The following APOL4 variants were observed in gnomAD, a reference collection of about 807,000 sequenced individuals.
APOL4 encodes apolipoprotein L4, also known as apolipoprotein L, 4.
A neutral mutation model predicts 12.1 loss-of-function variants in APOL4; 14 were observed. The ratio of observed to expected loss-of-function variants is 1.16; its 90% CI spans 0.76 to 1.81. The LOEUF is 1.81. APOL4 is among the 40% of genes most tolerant of loss of function. The pLI is 0.00. For synonymous variants in APOL4, 171 were observed against 160.6 expected (o/e 1.06, Z -0.49); for missense variants, 432 against 423.1 (o/e 1.02, Z -0.18).
At chr22:36,201,993 C>T, upstream of APOL4, 1 of 1,614,124 alleles carries the variant, frequency 6.2e-7, no homozygotes, top group Admixed American at 1.7e-5. Flanking sequence ...CCAAGCTCAC[C>T]AGATGCAGAC....
At chr22:36,204,676 G>T, upstream of APOL4, 1 of 760,650 alleles carries the variant, frequency 1.3e-6, no homozygotes, top group Non-Finnish European at 1.9e-6. Context: ...GCTGGTCTGA[G>T]CTGTGTGGAT....
rs2014173713 is a variant in APOL4 at position 36,189,168 on chromosome 22, A to G, written c.*1907T>C. The stretch of plus-strand genomic sequence containing the variant: ...GTTTATTAGGACTTACACACAGGGC[A>G]CTCAGCAAGACAGCTCGAGAGATCC... On this transcript the variant is annotated 3_prime_UTR_variant, in exon 4 of 4. Transcript: ENST00000683024. 1 of 152,188 alleles carries G rather than the reference A, an allele frequency of 6.6e-6. No individual in the cohort carries two copies. The highest frequency in any genetic ancestry group is 6.5e-5 in the Admixed American group (1 of 15,276). The allele number at this position is 152,188 out of a possible 1,614,324, so 9.4% of individuals were successfully genotyped here. A position where few individuals can be genotyped will look rare whatever the true frequency, so the allele number is the denominator to read the frequency against.
intron 2 of APOL4, among the ~76,000 whole-genome samples, chr22:36,196,847 A>G (rs1400733594): frequency 2.0e-5 from 3 of 152,152 alleles, no homozygotes; most frequent in African/African-American, 4.8e-5. Context: ...CATATATTTA[A>G]AAAATGCCTG....
chr22:36,201,506 G>A (rs9610443), intron 1 of APOL4, 194 bp downstream of exon 1: 95,826 of 1,008,516 alleles, frequency 0.095, 4,842 homozygotes, highest in African/African-American at 0.16. Context: ...GTATGCAGAG[G>A]GGCGTCTGGG....
In APOL4 at chr22:36,190,968, T is replaced by C; in HGVS notation, c.*107A>G. On this transcript the variant is annotated 3_prime_UTR_variant, in exon 4 of 4. Coordinates refer to ENST00000683024, the MANE Select transcript of APOL4 (RefSeq NM_001386885.1). ...CATAGGAAATTATAAAAGTATTAAT[T>C]TGGGGAACTAATAAATGTCCATGAA... 1 of 974,532 alleles carries C rather than the reference T, an allele frequency of 1.0e-6. No individual in the cohort carries two copies. The highest frequency in any genetic ancestry group is 1.5e-6 in the Non-Finnish European group (1 of 672,626). The allele number at this position is 974,532 out of a possible 1,614,324, so 60.4% of individuals were successfully genotyped here. A position where few individuals can be genotyped will look rare whatever the true frequency, so the allele number is the denominator to read the frequency against.
intron 1 of APOL4, among the ~76,000 whole-genome samples, chr22:36,200,482 G>C (rs1603478577): frequency 1.3e-5 from 2 of 152,152 alleles, no homozygotes; most frequent in African/African-American, 4.8e-5. Context: ...GCCAGATGCC[G>C]GCCTAGCCCC....
intron 2 of APOL4, chr22:36,197,981 C>T (rs938605468): frequency 7.1e-6 from 9 of 1,262,474 alleles, no homozygotes; most frequent in South Asian, 2.0e-5. Context: ...AACAAAACTG[C>T]GTGGCCCCCC....
At chr22:36,194,636 C>T (rs2014352391) in intron 3 of APOL4, among the ~76,000 whole-genome samples, 1 of 152,178 alleles carries the variant, frequency 6.6e-6, no homozygotes, top group African/African-American at 2.4e-5. Flanking sequence ...CGGCAGGTCC[C>T]AGTCTCCAAG....
chr22:36,199,448 G>A (rs1178530755), intron 1 of APOL4, 72 bp from the exon 2 acceptor site: 1 of 1,612,842 alleles, frequency 6.2e-7, no homozygotes, highest in African/African-American at 1.3e-5. Context: ...TTGAACAGCT[G>A]GGCCTCTGCA....
chr22:36,204,590 T>G (rs1484739509), upstream of APOL4: 1 of 377,726 alleles, frequency 2.6e-6, no homozygotes, highest in Non-Finnish European at 4.7e-6. Context: ...ATTGCGAGAA[T>G]AAGGAGATGG....
At chr22:36,195,654 G>A (rs999656009) in intron 2 of APOL4, among the ~76,000 whole-genome samples, 1 of 151,906 alleles carries the variant, frequency 6.6e-6, no homozygotes, top group African/African-American at 2.4e-5. Flanking sequence ...GAGCCTTTAA[G>A]GAAGTCATTA....
intron 1 of APOL4, among the ~76,000 whole-genome samples, chr22:36,200,287 A>T (rs1232872043): frequency 8.6e-5 from 13 of 151,846 alleles, no homozygotes. Flanking sequence ...ACTGTGCTCT[A>T]CTCCCTTAAA....
At chr22:36,201,975 G>A (rs766684487), upstream of APOL4, 6 of 1,614,074 alleles carry the variant, frequency 3.7e-6, no homozygotes, top group East Asian at 1.3e-4. Flanking sequence ...CCACCTCAGG[G>A]CTCTGAGCCA....
At chr22:36,201,078 T>C (rs1239492452) in intron 1 of APOL4, among the ~76,000 whole-genome samples, 1 of 151,840 alleles carries the variant, frequency 6.6e-6, no homozygotes, top group African/African-American at 2.4e-5. Context: ...GATAGAATGT[T>C]AGGAAAAGGT....
chr22:36,199,922 C>T (rs549717974), intron 1 of APOL4, among the ~76,000 whole-genome samples: 1 of 152,216 alleles, frequency 6.6e-6, no homozygotes, highest in Non-Finnish European at 1.5e-5. Context: ...ATTCTCTTGC[C>T]TCAGCCTCTC....
At chr22:36,197,950 C>A (rs2014462348) in intron 2 of APOL4, 2 of 1,370,090 alleles carry the variant, frequency 1.5e-6, no homozygotes, top group Non-Finnish European at 1.9e-6. Flanking sequence ...CCCACCTGTG[C>A]CACAGAAGTT....
In APOL4 at chr22:36,199,324, G is replaced by C; in HGVS notation, c.82+6C>G. The C allele has an allele frequency of 6.2e-7, 1 of 1,614,110 alleles. No individual in the cohort carries two copies. The highest frequency in any genetic ancestry group is 8.5e-7 in the Non-Finnish European group (1 of 1,179,944). ...CTACCAGCAGCCAGGTCTCTGAAAG[G>C]CTTACCTTGGAACTGTCCAGCCACT... On this transcript the variant is annotated splice_donor_region_variant and intron_variant, in intron 2 of 3. Coordinates refer to ENST00000683024, the MANE Select transcript of APOL4 (RefSeq NM_001386885.1).
intron 2 of APOL4, chr22:36,197,589 A>G: frequency 6.8e-7 from 1 of 1,475,346 alleles, no homozygotes; most frequent in African/African-American, 1.4e-5. Context: ...GTAACCCCCC[A>G]TGAAACTGCA....
intron 3 of APOL4, among the ~76,000 whole-genome samples, chr22:36,194,869 G>A (rs1603478016): frequency 6.6e-6 from 1 of 152,162 alleles, no homozygotes; most frequent in East Asian, 1.9e-4. Context: ...AAGTCCTGCT[G>A]GGCTTCCATC....
Sources: gnomAD v4.1 joint callset for allele counts (sites outside exome capture counted in the v4.1 genomes callset) on GRCh38, gnomAD v4.1.1 for gene constraint, MANE v1.5 for transcripts, NCBI Gene and HGNC (gene_info 2026-07-23, HGNC 2026-07-21) for gene names.